The following PPFIBP2 variants were observed in gnomAD, a reference collection of about 807,000 sequenced individuals.
PPFIBP2 encodes the protein PPFIB scaffold protein 2.
A neutral mutation model predicts 118.3 loss-of-function variants in PPFIBP2; 118 were observed. The ratio of observed to expected loss-of-function variants is 1.00; its 90% CI spans 0.86 to 1.16. The LOEUF is 1.16. Among genes scored for constraint, PPFIBP2 ranks in the 50% most tolerant of loss-of-function variants. The pLI is 0.00. For synonymous variants in PPFIBP2, 414 were observed against 397.4 expected, an observed-to-expected ratio of 1.04 and a Z score of -0.50; for missense variants, 1,195 against 1,073.1, an observed-to-expected ratio of 1.11 and a Z score of -1.59.
chr11:7,546,565 G>A (rs1368196928), intron 1 of PPFIBP2, among the ~76,000 whole-genome samples: 1 of 152,196 alleles, frequency 6.6e-6, no homozygotes, highest in East Asian at 1.9e-4. Context: ...TTAGGCATTG[G>A]CATCCAGGCC....
rs760743820 is a variant in PPFIBP2, at chr11:7,653,085, C to T, written c.2498C>T (p.Thr833Met). The T allele has an allele frequency of 6.8e-6, 11 of 1,613,710 alleles. No individual in the cohort carries two copies. The highest frequency in any genetic ancestry group is 2.2e-5 in the East Asian group (1 of 44,888). Residue 833 changes from threonine (T) to methionine (M), a missense_variant, in exon 24 of 24, where the codon ACG becomes ATG. Transcript: ENST00000299492. ...NIRKKKFDES[T>M]DYICPMEPSD... is the part of the protein sequence containing the mutation. The stretch of plus-strand genomic sequence containing the variant: ...AGAAAAAAGAAGTTCGATGAATCGA[C>T]GGACTACATTTGCCCAATGGAGCCC...
downstream of PPFIBP2, among the ~76,000 whole-genome samples, chr11:7,660,266 TATG>T (rs1854862446): frequency 1.6e-5 from 2 of 125,210 alleles, no homozygotes; most frequent in Admixed American, 8.2e-5. Flanking sequence ...GCCCATTCAG[TATG>T]ATATTGGCTG....
In PPFIBP2 at chr11:7,647,131, C is replaced by T. The variant is rs557448209; in HGVS notation, c.1647-1256C>T. The stretch of plus-strand genomic sequence containing the variant: ...TATCATGCTTATCCTTTGAGGAATT[C>T]CCTCACTTTAACAACAGCTCAACCA... On this transcript the variant is annotated intron_variant, in intron 17 of 23. Transcript: ENST00000299492. Among the ~76,000 whole-genome samples the T allele has an allele frequency of 2.0e-5, 3 of 152,154 alleles. No individual in the cohort carries two copies. In the South Asian group the frequency reaches 6.2e-4, roughly 32 times the overall value.
At chr11:7,609,128 T>C in intron 5 of PPFIBP2, among the ~76,000 whole-genome samples, 1 of 152,248 alleles carries the variant, frequency 6.6e-6, no homozygotes, top group African/African-American at 2.4e-5. Context: ...TGGGGAATCA[T>C]GTATTCCAAG....
In PPFIBP2 at chr11:7,582,428, C is replaced by G. The variant is rs142993892; in HGVS notation, c.280-10704C>G. ...TTTAGAAGCTAGAATTCTGCCATCT[C>G]TGACATCCAGCACCTGTAACTCCTG... is the stretch of plus-strand genomic sequence containing the variant. On this transcript the variant is annotated intron_variant, in intron 3 of 23. Coordinates refer to ENST00000299492, the MANE Select transcript of PPFIBP2 (RefSeq NM_003621.5). Among the ~76,000 whole-genome samples, 530 of 152,304 alleles carry G rather than the reference C, an allele frequency of 3.5e-3. 3 individuals carry two copies. Among genetic ancestry groups the G allele is most frequent in the African/African-American group, 0.012 (503 of 41,566 alleles).
chr11:7,547,562 CTCT>C (rs1178564765), intron 1 of PPFIBP2, among the ~76,000 whole-genome samples: 3 of 152,150 alleles, frequency 2.0e-5, no homozygotes, highest in Non-Finnish European at 1.5e-5. Context: ...TCCCTGCTAC[CTCT>C]TCTTTTATCC....
At position 7,545,194 on chromosome 11, in the gene PPFIBP2, C is replaced by T. The variant is rs368132898; in HGVS notation, c.-36-4246C>T. 3.3e-5 allele frequency among the ~76,000 whole-genome samples: 5 copies of T among 152,194 alleles called. No individual in the cohort carries two copies. In the South Asian group the frequency reaches 6.2e-4, roughly 19 times the overall value. On this transcript the variant is annotated intron_variant, in intron 1 of 23. Coordinates refer to ENST00000299492, the MANE Select transcript of PPFIBP2 (RefSeq NM_003621.5). ...CTGTAATCCCAGCACTTTGGGAGGC[C>T]GAGGTGGGTAGATCACTTGAGGCCA...
intron 2 of PPFIBP2, among the ~76,000 whole-genome samples, chr11:7,562,938 T>TTC (rs1260596977): frequency 8.7e-5 from 6 of 68,874 alleles, no homozygotes; most frequent in African/African-American, 3.4e-4. Context: ...TTTATATATA[T>TTC]ATATATATAT....
intron 5 of PPFIBP2, among the ~76,000 whole-genome samples, chr11:7,607,706 C>T (rs1322925929): frequency 5.9e-5 from 9 of 151,910 alleles, no homozygotes; most frequent in Non-Finnish European, 1.0e-4. Flanking sequence ...TGGACCTTGA[C>T]CTGTGCACTT....
intron 1 of PPFIBP2, among the ~76,000 whole-genome samples, chr11:7,533,669 T>C (rs1306199139): frequency 6.6e-6 from 1 of 152,116 alleles, no homozygotes; most frequent in Non-Finnish European, 1.5e-5. Context: ...CTGGCAGTGG[T>C]CATTTGGATA....
intron 21 of PPFIBP2, among the ~76,000 whole-genome samples, chr11:7,650,126 T>G (rs1002175981): frequency 6.6e-6 from 1 of 152,018 alleles, no homozygotes; most frequent in African/African-American, 2.4e-5. Flanking sequence ...AGAGAAGAAA[T>G]AGTATACGTA....
intron 5 of PPFIBP2, among the ~76,000 whole-genome samples, chr11:7,601,197 C>G (rs1227504566): frequency 6.6e-6 from 1 of 152,178 alleles, no homozygotes; most frequent in Non-Finnish European, 1.5e-5. Context: ...CACTGTATCC[C>G]CAACCACAAC....
At chr11:7,599,788 G>A (rs140049206) in intron 5 of PPFIBP2, among the ~76,000 whole-genome samples, 14,309 of 145,044 alleles carry the variant, frequency 0.099, 951 homozygotes, top group East Asian at 0.28. Context: ...CTGCCACCAC[G>A]CCCGGCTAAT....
chr11:7,560,085 A>G (rs1440842729), intron 2 of PPFIBP2, among the ~76,000 whole-genome samples: 1 of 152,204 alleles, frequency 6.6e-6, no homozygotes, highest in Non-Finnish European at 1.5e-5. Flanking sequence ...ATTTTCTGAA[A>G]TGATTGTTCT....
At chr11:7,557,285 GCTTTC>G (rs1348657345) in intron 2 of PPFIBP2, among the ~76,000 whole-genome samples, 3 of 150,448 alleles carry the variant, frequency 2.0e-5, no homozygotes. Flanking sequence ...TTAAAATCAT[GCTTTC>G]CTTTTCTTTA....
At chr11:7,605,701 C>A in intron 5 of PPFIBP2, 1 of 1,319,482 alleles carries the variant, frequency 7.6e-7, no homozygotes, top group Non-Finnish European at 9.6e-7. Flanking sequence ...GTTGATAAAC[C>A]AGGAAAATAG....
intron 3 of PPFIBP2, chr11:7,568,829 T>C (rs1855307084): frequency 6.6e-6 from 1 of 152,254 alleles, no homozygotes; most frequent in Admixed American, 6.5e-5. Flanking sequence ...AGCGAAGTCC[T>C]CCAGATCAAT....
chr11:7,644,976 G>A (rs998561713), intron 17 of PPFIBP2, among the ~76,000 whole-genome samples: 1 of 129,862 alleles, frequency 7.7e-6, no homozygotes, highest in African/African-American at 2.9e-5. Flanking sequence ...GCAGTGAGCC[G>A]AGATCCCGCC....
At chr11:7,652,681 A>G (rs1162038341) in intron 23 of PPFIBP2, among the ~76,000 whole-genome samples, 2 of 152,214 alleles carry the variant, frequency 1.3e-5, no homozygotes, top group African/African-American at 4.8e-5. Context: ...GTGCTGAGGC[A>G]AGTTCTCTGT....
Sources: allele counts gnomAD v4.1 joint callset (sites outside exome capture counted in the v4.1 genomes callset), GRCh38; gene constraint gnomAD v4.1.1; transcripts MANE v1.5; gene names NCBI Gene and HGNC (gene_info 2026-07-23, HGNC 2026-07-21).